NRCAM: variants seen among roughly 807,000 people sequenced by gnomAD.
The protein encoded by NRCAM is NgCAM-related cell adhesion molecule.
Under a neutral mutation model 156.5 loss-of-function variants are expected in NRCAM, and 83 were observed. The observed-to-expected ratio is 0.53, with a 90% CI of 0.44 to 0.64. NRCAM has a LOEUF of 0.64. NRCAM is among the 30% of genes least tolerant of loss of function. NRCAM has a pLI of 0.00. For synonymous variants in NRCAM, 538 were observed against 563.9 expected (o/e 0.95, Z 0.65); for missense variants, 1,417 against 1,597.3 (o/e 0.89, Z 1.92).
intron 11 of NRCAM, among the ~76,000 whole-genome samples, chr7:108,216,705 A>C (rs958696718): frequency 5.9e-5 from 9 of 152,020 alleles, no homozygotes; most frequent in Admixed American, 1.3e-4. Flanking sequence ...TGTTTGATTC[A>C]GCTATCAATA....
chr7:108,406,270 A>G (rs2099807289), intron 1 of NRCAM, among the ~76,000 whole-genome samples: 1 of 152,136 alleles, frequency 6.6e-6, no homozygotes. Context: ...GCAAGATGAG[A>G]AGTGATTTTA....
At chr7:108,315,903 A>C (rs1203326475) in intron 2 of NRCAM, among the ~76,000 whole-genome samples, 2 of 152,216 alleles carry the variant, frequency 1.3e-5, no homozygotes, top group Non-Finnish European at 2.9e-5. Context: ...TTGTAGACTG[A>C]TGCAAACATC....
intron 1 of NRCAM, among the ~76,000 whole-genome samples, chr7:108,440,147 A>G (rs766897428): frequency 1.3e-5 from 2 of 152,150 alleles, no homozygotes; most frequent in East Asian, 1.9e-4. Context: ...CGTAAACTCA[A>G]TGTGGTATCT....
At chr7:108,349,814 C>T (rs542892650) in intron 2 of NRCAM, among the ~76,000 whole-genome samples, 1 of 152,300 alleles carries the variant, frequency 6.6e-6, no homozygotes, top group African/African-American at 2.4e-5. Context: ...CTTATCCCTA[C>T]ACCGAGGTCA....
chr7:108,403,795 T>G (rs747572590), intron 1 of NRCAM, among the ~76,000 whole-genome samples: 1 of 152,204 alleles, frequency 6.6e-6, no homozygotes, highest in Non-Finnish European at 1.5e-5. Context: ...CCAAGTTAGC[T>G]TCAACCTTCC....
intron 2 of NRCAM, among the ~76,000 whole-genome samples, chr7:108,353,581 G>C (rs2099446005): frequency 6.6e-6 from 1 of 152,088 alleles, no homozygotes; most frequent in African/African-American, 2.4e-5. Context: ...TCAACCTTCT[G>C]AAGTGCAGGG....
At chr7:108,409,952 C>T (rs543978991) in intron 1 of NRCAM, among the ~76,000 whole-genome samples, 1 of 152,192 alleles carries the variant, frequency 6.6e-6, no homozygotes, top group East Asian at 1.9e-4. Context: ...TGATTGATTT[C>T]CCACTAAATC....
At chr7:108,238,936 T>TA (rs1023537601) in intron 4 of NRCAM, among the ~76,000 whole-genome samples, 37 of 151,798 alleles carry the variant, frequency 2.4e-4, no homozygotes, top group African/African-American at 8.7e-4. Context: ...TAAATAATAA[T>TA]AATAATAATA....
At chr7:108,178,413 A>G in intron 25 of NRCAM, 1 of 419,844 alleles carries the variant, frequency 2.4e-6, no homozygotes, top group Non-Finnish European at 4.6e-6. Flanking sequence ...TGTTTGACGC[A>G]TGAATGGTGT....
chr7:108,382,582 C>G (rs2099706473), intron 2 of NRCAM, among the ~76,000 whole-genome samples: 1 of 151,972 alleles, frequency 6.6e-6, no homozygotes, highest in African/African-American at 2.4e-5. Context: ...GCACTCCAGC[C>G]TAGGCAACAG....
At chr7:108,349,687 A>G (rs2099397544) in intron 2 of NRCAM, among the ~76,000 whole-genome samples, 1 of 152,164 alleles carries the variant, frequency 6.6e-6, no homozygotes, top group South Asian at 2.1e-4. Context: ...ATGGTTTGAT[A>G]CCACTTTTGA....
rs1307423045 is a variant in NRCAM, at chr7:108,199,095, T to C, written c.1208-996A>G. Among the ~76,000 whole-genome samples the C allele has an allele frequency of 2.0e-5, 3 of 152,326 alleles. No homozygotes were observed. In the East Asian group the frequency reaches 5.8e-4, roughly 29 times the overall value. On this transcript the variant is annotated intron_variant, in intron 13 of 32. Transcript: ENST00000379028. ...AAATCAAAACTAAATAACAGCACCTTTTCTCTTAAACTGCTCCTGCAACTT... is the reference window on the plus strand; with the variant it reads ...AAATCAAAACTAAATAACAGCACCTCTTCTCTTAAACTGCTCCTGCAACTT...
chr7:108,381,031 C>T (rs1182655906), intron 2 of NRCAM, among the ~76,000 whole-genome samples: 2 of 151,796 alleles, frequency 1.3e-5, no homozygotes, highest in African/African-American at 2.4e-5. Flanking sequence ...ACAGAGAGAC[C>T]CTATCTTTAA....
chr7:108,441,058 G>C (rs866861154), intron 1 of NRCAM, among the ~76,000 whole-genome samples: 1 of 152,258 alleles, frequency 6.6e-6, no homozygotes, highest in Admixed American at 6.5e-5. Flanking sequence ...TTGTTCTTAA[G>C]CCCAAACTTA....
chr7:108,218,805 AG>A (rs2090904247), intron 11 of NRCAM, among the ~76,000 whole-genome samples: 1 of 152,210 alleles, frequency 6.6e-6, no homozygotes, highest in Non-Finnish European at 1.5e-5. Flanking sequence ...AAGGAACTAG[AG>A]AAACAAGAAC....
At chr7:108,401,562 T>C (rs1434919343) in intron 1 of NRCAM, among the ~76,000 whole-genome samples, 3 of 151,926 alleles carry the variant, frequency 2.0e-5, no homozygotes, top group Non-Finnish European at 4.4e-5. Context: ...CAACAGAAAA[T>C]AGTAATCTTA....
chr7:108,180,742 T>C (rs2062984931), intron 24 of NRCAM, among the ~76,000 whole-genome samples: 1 of 152,244 alleles, frequency 6.6e-6, no homozygotes, highest in South Asian at 2.1e-4. Context: ...CAATAGGATT[T>C]AAGTCTTTTA....
At position 108,315,579 on chromosome 7, in the gene NRCAM, C is replaced by T. The variant is rs564389357; in HGVS notation, c.-173-2848G>A. Among the ~76,000 whole-genome samples the T allele has an allele frequency of 3.3e-5, 5 of 152,340 alleles. No individual in the cohort carries two copies. In the East Asian group the frequency reaches 9.6e-4, roughly 29 times the overall value. On this transcript the variant is annotated intron_variant, in intron 2 of 32. Transcript: ENST00000379028. ...CATCAGATGGCACCCAGAGGGCCCT[C>T]CCTCTACCACAACCTAGCTGGCTGG...
At chr7:108,258,792 C>G (rs570613792) in intron 3 of NRCAM, among the ~76,000 whole-genome samples, 1 of 152,294 alleles carries the variant, frequency 6.6e-6, no homozygotes, top group African/African-American at 2.4e-5. Context: ...AACAAGCACT[C>G]TGATGTCCAT....
Sources: allele counts gnomAD v4.1 joint callset (sites outside exome capture counted in the v4.1 genomes callset), GRCh38; gene constraint gnomAD v4.1.1; transcripts MANE v1.5; gene names NCBI Gene and HGNC (gene_info 2026-07-23, HGNC 2026-07-21).